Variants in ZFHX3 observed in about 807,000 individuals in gnomAD.
The protein encoded by ZFHX3 is zinc finger homeobox protein 3.
Under a neutral mutation model 279.1 loss-of-function variants are expected in ZFHX3, and 42 were observed. The observed-to-expected ratio is 0.15, with a 90% CI of 0.12 to 0.19. The LOEUF (loss-of-function observed/expected upper bound fraction) is 0.19, where lower values mean the gene tolerates loss of function less well. ZFHX3 is among the 10% of genes least tolerant of loss of function. The probability of loss-of-function intolerance (pLI) is 1.00; values close to 1 mark genes in which losing one functional copy is unlikely to be tolerated. For synonymous variants in ZFHX3, 2,293 were observed against 1,957.8 expected (o/e 1.17, Z -4.52); for missense variants, 4,981 against 4,754.0 (o/e 1.05, Z -1.40).
At chr16:73,668,679 C>T (rs1446922708) in intron 2 of ZFHX3, among the ~76,000 whole-genome samples, 1 of 149,958 alleles carries the variant, frequency 6.7e-6, no homozygotes, top group Non-Finnish European at 1.5e-5. Flanking sequence ...TGACAAAGGG[C>T]TAATATCCAG....
chr16:73,286,914 G>A (rs1004923109), intron 4 of ZFHX3, among the ~76,000 whole-genome samples: 2 of 150,066 alleles, frequency 1.3e-5, no homozygotes, highest in Non-Finnish European at 3.0e-5. Flanking sequence ...GGGTTGGTAT[G>A]TGTGGCTGTG....
intron 1 of ZFHX3, among the ~76,000 whole-genome samples, chr16:72,983,837 T>TAA (rs1962728840): frequency 6.6e-6 from 1 of 152,214 alleles, no homozygotes; most frequent in South Asian, 2.1e-4. Flanking sequence ...CAGGTCTAAC[T>TAA]ACCCACTGCC....
At chr16:73,468,938 G>C (rs934857160) in intron 2 of ZFHX3, among the ~76,000 whole-genome samples, 3 of 152,214 alleles carry the variant, frequency 2.0e-5, no homozygotes, top group African/African-American at 7.2e-5. Flanking sequence ...ATGAGGAGGA[G>C]AAGGAAAGAA....
At chr16:73,614,031 T>A (rs990726782) in intron 2 of ZFHX3, among the ~76,000 whole-genome samples, 30 of 152,238 alleles carry the variant, frequency 2.0e-4, no homozygotes, top group African/African-American at 7.2e-4. Context: ...TACCTCCATC[T>A]TCTGCTGCCT....
intron 4 of ZFHX3, among the ~76,000 whole-genome samples, chr16:73,276,232 G>T (rs1457945017): frequency 2.0e-5 from 3 of 148,688 alleles, no homozygotes. Context: ...TACCCAGGCT[G>T]GAGTGCAATG....
At chr16:73,786,605 A>AG (rs1233589034) in intron 1 of ZFHX3, among the ~76,000 whole-genome samples, 4 of 152,200 alleles carry the variant, frequency 2.6e-5, no homozygotes, top group South Asian at 2.1e-4. Flanking sequence ...ACCAAGTGGC[A>AG]GGGGGGGCCA....
At chr16:72,987,223 A>T (rs983931495) in intron 1 of ZFHX3, among the ~76,000 whole-genome samples, 4 of 152,186 alleles carry the variant, frequency 2.6e-5, no homozygotes, top group African/African-American at 7.2e-5. Context: ...AGCAGCTAGA[A>T]GGCAAGCACC....
At chr16:73,402,079 A>G (rs992753384) in intron 3 of ZFHX3, 1 of 152,252 alleles carries the variant, frequency 6.6e-6, no homozygotes, top group African/African-American at 2.4e-5. Flanking sequence ...AACTTATTTC[A>G]AAGCAGAATC....
intron 1 of ZFHX3, among the ~76,000 whole-genome samples, chr16:72,972,075 TAG>T (rs1962131126): frequency 6.6e-6 from 1 of 151,954 alleles, no homozygotes; most frequent in Non-Finnish European, 1.5e-5. Context: ...GTAGTTTTAG[TAG>T]AGTCAGGGTT....
At chr16:73,586,660 A>C (rs1337986893) in intron 2 of ZFHX3, among the ~76,000 whole-genome samples, 2 of 152,182 alleles carry the variant, frequency 1.3e-5, no homozygotes, top group Non-Finnish European at 2.9e-5. Context: ...CAGGAGAAAC[A>C]AGCAAATCAA....
At chr16:73,848,186 G>C (rs995360869) in intron 1 of ZFHX3, among the ~76,000 whole-genome samples, 2 of 152,048 alleles carry the variant, frequency 1.3e-5, no homozygotes, top group Non-Finnish European at 2.9e-5. Context: ...TCCCTAAATA[G>C]CAGTTGGAGC....
At chr16:73,694,314 C>T (rs766570107) in intron 1 of ZFHX3, among the ~76,000 whole-genome samples, 2 of 151,804 alleles carry the variant, frequency 1.3e-5, no homozygotes, top group East Asian at 3.9e-4. Context: ...CAGAGCGAGG[C>T]TATCTCAAAA....
At chr16:73,379,833 T>C (rs2016789488) in intron 3 of ZFHX3, among the ~76,000 whole-genome samples, 1 of 152,084 alleles carries the variant, frequency 6.6e-6, no homozygotes, top group South Asian at 2.1e-4. Context: ...AGGGGTAAAT[T>C]AGGATGGAAA....
At chr16:73,845,034 G>A (rs537640755) in intron 1 of ZFHX3, among the ~76,000 whole-genome samples, 5 of 152,176 alleles carry the variant, frequency 3.3e-5, no homozygotes, top group African/African-American at 1.2e-4. Context: ...AGAGGTGGTA[G>A]GAGCTCCTCT....
intron 1 of ZFHX3, among the ~76,000 whole-genome samples, chr16:73,742,194 C>T (rs968294590): frequency 2.6e-5 from 4 of 152,152 alleles, no homozygotes; most frequent in Admixed American, 6.5e-5. Context: ...AAGTTACAGC[C>T]GTTTTTGAAC....
In ZFHX3 at chr16:73,360,650, G is replaced by A. The variant is rs112924228; in HGVS notation, c.-1290-42314C>T. ...CACCATGCCCAGCCGTATAAAGCCA[G>A]GATTTGAAGCTGGGTACTCTGTGTT... On this transcript the variant is annotated intron_variant, in intron 3 of 17. Transcript: ENST00000641206. 9.7e-3 allele frequency among the ~76,000 whole-genome samples: 1,472 copies of A among 152,328 alleles called. 19 individuals carry two copies. Among genetic ancestry groups the A allele is most frequent in the Non-Finnish European group, 0.018 (1,202 of 68,032 alleles).
chr16:73,319,820 C>G (rs977886739), intron 3 of ZFHX3, among the ~76,000 whole-genome samples: 2 of 152,046 alleles, frequency 1.3e-5, no homozygotes, highest in Admixed American at 6.6e-5. Context: ...AGAGCCCAGG[C>G]GAAGAAGAAG....
chr16:72,893,419 G>A (rs914455335), intron 3 of ZFHX3, among the ~76,000 whole-genome samples: 3 of 152,190 alleles, frequency 2.0e-5, no homozygotes, highest in African/African-American at 7.2e-5. Context: ...CACAAGAGAG[G>A]AATAACATGG....
chr16:73,761,012 G>A (rs1018169050), intron 1 of ZFHX3, among the ~76,000 whole-genome samples: 3 of 149,356 alleles, frequency 2.0e-5, no homozygotes, highest in Admixed American at 1.3e-4. Context: ...AAAAAAAAAG[G>A]GTATTAAAAG....
Sources: allele counts gnomAD v4.1 joint callset (sites outside exome capture counted in the v4.1 genomes callset), GRCh38; gene constraint gnomAD v4.1.1; transcripts MANE v1.5; gene names NCBI Gene and HGNC (gene_info 2026-07-23, HGNC 2026-07-21).